The following PGAP1 variants were observed in gnomAD, a reference collection of about 807,000 sequenced individuals.
PGAP1 encodes the protein GPI inositol-deacylase.
Under a neutral mutation model 127.0 loss-of-function variants are expected in PGAP1, and 76 were observed. The observed-to-expected ratio is 0.60, with a 90% CI of 0.50 to 0.72. PGAP1 has a LOEUF of 0.72. PGAP1 is among the 30% of genes least tolerant of loss of function. PGAP1 has a pLI of 0.00. For missense variants in PGAP1, 982 were observed against 1,071.3 expected (o/e 0.92, Z 1.16); for synonymous variants, 362 against 366.5 (o/e 0.99, Z 0.14).
intron 4 of PGAP1, among the ~76,000 whole-genome samples, chr2:196,912,232 T>C (rs1303734304): frequency 6.6e-6 from 1 of 152,170 alleles, no homozygotes; most frequent in Non-Finnish European, 1.5e-5. Flanking sequence ...AAACTAGACA[T>C]TGCTACTATC....
intron 5 of PGAP1, among the ~76,000 whole-genome samples, chr2:196,900,902 G>C (rs538791852): frequency 6.6e-6 from 1 of 152,168 alleles, no homozygotes; most frequent in Admixed American, 6.5e-5. Flanking sequence ...ACTCCAGCCT[G>C]GGCTACAGAG....
intron 3 of PGAP1, among the ~76,000 whole-genome samples, chr2:196,915,560 G>A (rs1474582744): frequency 6.6e-6 from 1 of 152,008 alleles, no homozygotes; most frequent in Non-Finnish European, 1.5e-5. Context: ...AAAATCTTGG[G>A]GTCATCCTTA....
intron 4 of PGAP1, 21 bp downstream of exon 4, chr2:196,912,861 T>C (rs1178184288): frequency 1.3e-6 from 2 of 1,552,512 alleles, no homozygotes; most frequent in Non-Finnish European, 1.7e-6. Context: ...GGGAGGTTAA[T>C]GTTCATGTAA....
At chr2:196,869,578 T>TGC (rs1701348987) in intron 19 of PGAP1, among the ~76,000 whole-genome samples, 2 of 152,124 alleles carry the variant, frequency 1.3e-5, no homozygotes, top group Admixed American at 1.3e-4. Flanking sequence ...TCGTGATCCA[T>TGC]CCACCTCAGC....
intron 4 of PGAP1, among the ~76,000 whole-genome samples, chr2:196,904,623 G>A (rs1402127392): frequency 1.3e-5 from 2 of 152,158 alleles, no homozygotes; most frequent in African/African-American, 4.8e-5. Context: ...AGCTACTTGG[G>A]AGGCTGAGGC....
At chr2:196,853,706 T>C (rs574556715) in intron 20 of PGAP1, among the ~76,000 whole-genome samples, 2 of 152,328 alleles carry the variant, frequency 1.3e-5, no homozygotes, top group Admixed American at 6.5e-5. Flanking sequence ...GATAATTTCC[T>C]GTGTTAATCT....
intron 12 of PGAP1, among the ~76,000 whole-genome samples, chr2:196,881,334 T>C (rs768540330): frequency 1.1e-4 from 17 of 152,216 alleles, no homozygotes; most frequent in African/African-American, 4.1e-4. Context: ...TGAACACACA[T>C]ACATGTGTCT....
Position 196,844,571 on chromosome 2 carries a change from C to T in PGAP1, c.2290G>A (p.Val764Ile). 4 of 1,590,756 alleles carry T rather than the reference C, an allele frequency of 2.5e-6. No homozygotes were observed. The highest frequency in any genetic ancestry group is 3.4e-6 in the Non-Finnish European group (4 of 1,170,298). The part of the protein sequence containing the change: ...LSYLYYVFKV[V>I]HLQASLTTFK... ...GTTGTTAAGCTGGCTTGCAGATGAA[C>T]AACCTAAGAAAAATAAATTGCTCTT... The change falls in exon 24 of 27, where the codon GTT (valine) becomes ATT (isoleucine). Residue 764 changes from valine (V) to isoleucine (I), a missense_variant. Transcript: ENST00000354764.
intron 1 of PGAP1, among the ~76,000 whole-genome samples, chr2:196,923,764 G>A (rs1265681651): frequency 1.3e-5 from 2 of 151,392 alleles, no homozygotes; most frequent in African/African-American, 4.9e-5. Flanking sequence ...TGGTTCAAGC[G>A]ATTCTCCAGC....
Position 196,901,522 on chromosome 2 carries a change from T to C in PGAP1, c.807+1063A>G, listed in dbSNP as rs374507217. ...AAAGGAACAGGCAGACTACATTCTA[T>C]GCATCTTCTCTTTAGGAAGTAAGTT... On this transcript the variant is annotated intron_variant, in intron 5 of 26. Coordinates refer to ENST00000354764, the MANE Select transcript of PGAP1 (RefSeq NM_024989.4). 1.2e-3 allele frequency among the ~76,000 whole-genome samples: 187 copies of C among 152,356 alleles called. 5 individuals are homozygous for C. The South Asian group carries it at 0.036, about 30-fold the overall frequency.
At chr2:196,872,733 G>C in intron 17 of PGAP1, 184 bp from the exon 18 acceptor site, 2 of 583,920 alleles carry the variant, frequency 3.4e-6, no homozygotes, top group Non-Finnish European at 6.1e-6. Flanking sequence ...TAGGACACAG[G>C]AGTTGCGAGA....
At chr2:196,897,100 T>G (rs332300) in intron 7 of PGAP1, 31 bp downstream of exon 7, 1 of 1,267,016 alleles carries the variant, frequency 7.9e-7, no homozygotes, top group African/African-American at 1.5e-5. Flanking sequence ...AAAGCTTTCA[T>G]TTAAATAATT....
intron 20 of PGAP1, among the ~76,000 whole-genome samples, chr2:196,861,866 C>T (rs115178646): frequency 0.01 from 1,520 of 149,852 alleles, 23 homozygotes; most frequent in African/African-American, 0.035. Flanking sequence ...TAATCAATAC[C>T]CTTGTGATTT....
intron 4 of PGAP1, among the ~76,000 whole-genome samples, chr2:196,903,066 T>C (rs1414850990): frequency 6.6e-6 from 1 of 152,156 alleles, no homozygotes; most frequent in Non-Finnish European, 1.5e-5. Context: ...TCACACAGTA[T>C]AGCTAAAAGA....
chr2:196,841,978 T>C (rs995080601), intron 26 of PGAP1, among the ~76,000 whole-genome samples: 13 of 151,934 alleles, frequency 8.6e-5, no homozygotes, highest in African/African-American at 3.1e-4. Context: ...TCTAGAAATT[T>C]ATCCTAACAA....
intron 4 of PGAP1, 62 bp downstream of exon 4, chr2:196,912,820 A>T (rs896018592): frequency 7.0e-7 from 1 of 1,434,956 alleles, no homozygotes. Context: ...ATAGCCACAG[A>T]GATTGATTTA....
chr2:196,842,191 C>A (rs1183684606), intron 26 of PGAP1, among the ~76,000 whole-genome samples: 1 of 152,090 alleles, frequency 6.6e-6, no homozygotes, highest in African/African-American at 2.4e-5. Context: ...AGAAATGTAA[C>A]TAAAGACAGA....
chr2:196,880,097 T>C lies in PGAP1; in HGVS notation c.1329A>G (p.Val443=). The C allele has an allele frequency of 6.2e-7, 1 of 1,602,668 alleles. No individual in the cohort carries two copies. Among genetic ancestry groups the C allele is most frequent in the Non-Finnish European group, 8.5e-7 (1 of 1,173,296 alleles). Residue 443 remains valine, a synonymous_variant, in exon 13 of 27, where the codon GTA becomes GTG. Coordinates refer to ENST00000354764, the MANE Select transcript of PGAP1 (RefSeq NM_024989.4). ...YPSLSHLVVY[V]PSVRGSKFVV... ...TTACCTTACTTCCACGAACAGATGG[T>C]ACATAAACAACAAGATGAGACAAAG...
chr2:196,885,784 C>T, intron 11 of PGAP1, 50 bp downstream of exon 11: 1 of 1,192,848 alleles, frequency 8.4e-7, no homozygotes, highest in Non-Finnish European at 1.1e-6. Context: ...AGTGTGGTTT[C>T]CGAGTATTGT....
Sources: allele counts gnomAD v4.1 joint callset (sites outside exome capture counted in the v4.1 genomes callset), GRCh38; gene constraint gnomAD v4.1.1; transcripts MANE v1.5; gene names NCBI Gene and HGNC (gene_info 2026-07-23, HGNC 2026-07-21).